Variants in RNF214 observed in about 807,000 individuals in gnomAD.
RNF214 encodes the protein ring finger protein 214.
A neutral mutation model predicts 75.9 loss-of-function variants in RNF214; 25 were observed. The observed-to-expected ratio is 0.33, with a 90% confidence interval of 0.24 to 0.46. The LOEUF is 0.46. Ranked by LOEUF, RNF214 falls within the 20% of genes least tolerant of loss-of-function variation. The probability of loss-of-function intolerance (pLI) is 1.00; values close to 1 mark genes in which losing one functional copy is unlikely to be tolerated. For synonymous variants in RNF214, 314 were observed against 308.8 expected (o/e 1.02, Z -0.18); for missense variants, 725 against 857.5 (o/e 0.85, Z 1.93).
At chr11:117,238,267 G>A (rs551178300) in intron 2 of RNF214, among the ~76,000 whole-genome samples, 23 of 152,278 alleles carry the variant, frequency 1.5e-4, no homozygotes, top group East Asian at 1.9e-4. Flanking sequence ...TTAGCTGGGC[G>A]TAGTGGCATG....
chr11:117,243,457 T>C (rs2134363258), intron 4 of RNF214, among the ~76,000 whole-genome samples: 1 of 152,346 alleles, frequency 6.6e-6, no homozygotes, highest in East Asian at 1.9e-4. Flanking sequence ...TGAGAGCCTT[T>C]TGTTAAAATG....
chr11:117,285,228 T>C lies in RNF214; in HGVS notation c.*77T>C. 1 of 963,056 alleles carries C rather than the reference T, an allele frequency of 1.0e-6. No individual in the cohort carries two copies. The highest frequency in any genetic ancestry group is 1.7e-6 in the Non-Finnish European group (1 of 590,766). 59.7% of individuals were successfully genotyped at this position (963,056 alleles called of 1,614,324 possible). A position where few individuals can be genotyped will look rare whatever the true frequency, so the allele number is the denominator to read the frequency against. The stretch of plus-strand genomic sequence containing the variant: ...CGGGTTCAAGATTTCTAAAACTCTA[T>C]ATTTATACAGTGACATATACTCATG... On this transcript the variant is annotated 3_prime_UTR_variant, in exon 15 of 15. Transcript: ENST00000300650.
chr11:117,239,047 G>A lies in RNF214; in HGVS notation c.554G>A (p.Arg185Gln), dbSNP rs757722784. 6.8e-5 allele frequency: 109 copies of A among 1,613,964 alleles called. 1 individual carries two copies. The highest frequency in any genetic ancestry group is 4.6e-4 in the South Asian group (42 of 91,080). The change falls in exon 3 of 15, where the codon CGA (arginine) becomes CAA (glutamine). Residue 185 changes from arginine (R) to glutamine (Q), a missense_variant. Physicochemically the swap from Arg to Gln is conservative, Grantham distance 43. This residue lies in a region of RNF214 where 362 missense variants were observed against 344.5 expected (regional missense o/e 1.05). Transcript: ENST00000300650. ...CCAGCAAATGGGGTTGAAGGAGTCCGAGTGGATCAGGATGATGATCAAGAT... is the reference window on the plus strand; with the variant it reads ...CCAGCAAATGGGGTTGAAGGAGTCCAAGTGGATCAGGATGATGATCAAGAT... ...VSPANGVEGV[R>Q]VDQDDDQDSS...
intron 6 of RNF214, among the ~76,000 whole-genome samples, chr11:117,268,564 C>T (rs1318165610): frequency 6.6e-6 from 1 of 152,090 alleles, no homozygotes; most frequent in Non-Finnish European, 1.5e-5. Context: ...ACTGTCTATT[C>T]CATTACATCG....
Position 117,235,301 on chromosome 11 carries a change from G to A in RNF214, c.107+922G>A, listed in dbSNP as rs1191284678. ...AAGCTCTGCCTCCCGGGTTTATGCC[G>A]TTCTCCTGCCTCAGCCTCCCCAGTA... On this transcript the variant is annotated intron_variant, in intron 2 of 14. Coordinates refer to ENST00000300650, the MANE Select transcript of RNF214 (RefSeq NM_207343.4). 8.6e-5 allele frequency among the ~76,000 whole-genome samples: 13 copies of A among 151,190 alleles called. No homozygotes were observed. In the South Asian group the frequency reaches 1.3e-3, roughly 15 times the overall value.
intron 6 of RNF214, among the ~76,000 whole-genome samples, chr11:117,260,294 A>C (rs928219056): frequency 2.6e-5 from 4 of 152,260 alleles, no homozygotes; most frequent in Non-Finnish European, 4.4e-5. Flanking sequence ...ACACTCTTCA[A>C]ATTAATTTTT....
At chr11:117,283,771 G>A (rs1000948660) in intron 14 of RNF214, among the ~76,000 whole-genome samples, 1 of 152,048 alleles carries the variant, frequency 6.6e-6, no homozygotes, top group African/African-American at 2.4e-5. Flanking sequence ...AGGTGCTTCA[G>A]TCTCTTGAGT....
intron 14 of RNF214, among the ~76,000 whole-genome samples, chr11:117,283,524 C>G (rs1265235262): frequency 6.6e-6 from 1 of 151,864 alleles, no homozygotes; most frequent in Non-Finnish European, 1.5e-5. Context: ...ACATGCCTGG[C>G]TAATTTTTGT....
intron 14 of RNF214, among the ~76,000 whole-genome samples, chr11:117,283,424 G>A (rs1048707838): frequency 6.6e-6 from 1 of 151,878 alleles, no homozygotes; most frequent in African/African-American, 2.4e-5. Flanking sequence ...GCAGTGGTGT[G>A]ATCTCAGCTC....
intron 6 of RNF214, among the ~76,000 whole-genome samples, chr11:117,257,816 A>G (rs1000014913): frequency 6.6e-6 from 1 of 152,190 alleles, no homozygotes; most frequent in African/African-American, 2.4e-5. Flanking sequence ...AATGAGAACC[A>G]AGTCTGAATA....
intron 6 of RNF214, among the ~76,000 whole-genome samples, chr11:117,274,848 T>A (rs75534431): frequency 0.025 from 3,811 of 149,788 alleles, 176 homozygotes; most frequent in African/African-American, 0.087. Context: ...TTTTGTAAAT[T>A]TTTTTTTTTT....
At chr11:117,234,138 TC>T (rs1470413163) in intron 1 of RNF214, 128 bp from the exon 2 acceptor site, 8 of 684,784 alleles carry the variant, frequency 1.2e-5, no homozygotes, top group Admixed American at 2.5e-5. Context: ...AAGTATTTTC[TC>T]CCGGAGCCCA....
rs374874200 is a variant in RNF214, at chr11:117,234,260, T to C, written c.-6-7T>C. 1.5e-5 allele frequency: 24 copies of C among 1,602,426 alleles called. No homozygotes were observed. The African/African-American group carries it at 2.8e-4, about 19-fold the overall frequency. On this transcript the variant is annotated splice_region_variant and splice_polypyrimidine_tract_variant and intron_variant, in intron 1 of 14. Transcript: ENST00000300650. ...TTGTAGCCTGTAATTTGTTTCTGAATGTACAGAGCATAATGGCAGCGTCTG... is the reference window on the plus strand; with the variant it reads ...TTGTAGCCTGTAATTTGTTTCTGAACGTACAGAGCATAATGGCAGCGTCTG...
chr11:117,262,815 CTTTTT>C (rs1406631485), intron 6 of RNF214, among the ~76,000 whole-genome samples: 1 of 151,554 alleles, frequency 6.6e-6, no homozygotes, highest in Non-Finnish European at 1.5e-5. Context: ...CTTTTCTTTT[CTTTTT>C]TGTTTTTGAG....
At chr11:117,242,706 A>G (rs61903661) in intron 4 of RNF214, among the ~76,000 whole-genome samples, 15,563 of 152,216 alleles carry the variant, frequency 0.1, 869 homozygotes, top group Middle Eastern at 0.14. Context: ...TACAAAAATT[A>G]GCCGAACGTG....
In RNF214 at chr11:117,239,073, A is replaced by G; in HGVS notation, c.580A>G (p.Ser194Gly). 6.2e-7 allele frequency: 1 copy of G among 1,613,750 alleles called. No individual in the cohort carries two copies. The highest frequency in any genetic ancestry group is 8.5e-7 in the Non-Finnish European group (1 of 1,179,894). ...VRVDQDDDQD[S>G]SSLKLSQNIA... ...AGTGGATCAGGATGATGATCAAGAT[A>G]GCTCTTCCCTGAAGCTTTCTCAGAA... The change falls in exon 3 of 15, where the codon AGC becomes GGC. Residue 194 changes from serine to glycine, a missense_variant. Physicochemically the swap from Ser to Gly is moderately conservative, Grantham distance 56 (BLOSUM62 0). Around this residue, in one of 2 missense-constraint regions of RNF214, gnomAD observed 362 missense variants for 344.5 expected, o/e 1.05. Transcript: ENST00000300650.
At chr11:117,269,936 A>AT (rs1299932623) in intron 6 of RNF214, among the ~76,000 whole-genome samples, 3 of 152,228 alleles carry the variant, frequency 2.0e-5, no homozygotes, top group Non-Finnish European at 2.9e-5. Context: ...TAACCTCATC[A>AT]TAAGTCAGGG....
chr11:117,282,691 T>A, intron 12 of RNF214, 55 bp from the exon 13 acceptor site: 1 of 1,560,686 alleles, frequency 6.4e-7, no homozygotes, highest in Admixed American at 1.7e-5. Flanking sequence ...ATTTTTGTGA[T>A]ATGCTCTGTT....
At chr11:117,276,603 AAAAG>A (rs1429910999) in intron 6 of RNF214, among the ~76,000 whole-genome samples, 2 of 152,234 alleles carry the variant, frequency 1.3e-5, no homozygotes, top group Non-Finnish European at 2.9e-5. Flanking sequence ...CTCTCTAAAA[AAAAG>A]AAAATAAGAA....
Sources: allele counts gnomAD v4.1 joint callset (sites outside exome capture counted in the v4.1 genomes callset), GRCh38; gene constraint gnomAD v4.1.1; regional missense constraint gnomAD v4.1.1; transcripts MANE v1.5; gene names NCBI Gene and HGNC (gene_info 2026-07-23, HGNC 2026-07-21).